Variants in PACSIN2 observed in about 807,000 individuals in gnomAD.
PACSIN2 encodes the protein protein kinase C and casein kinase substrate in neurons protein 2.
Under a neutral mutation model 63.8 loss-of-function variants are expected in PACSIN2, and 25 were observed. The observed-to-expected ratio is 0.39, with a 90% CI of 0.29 to 0.55. The LOEUF (loss-of-function observed/expected upper bound fraction) is 0.55. Ranked by LOEUF, PACSIN2 falls within the 20% of genes least tolerant of loss-of-function variation. The pLI, the probability that PACSIN2 is intolerant of heterozygous loss-of-function variation, is 0.62. For synonymous variants in PACSIN2, 255 were observed against 256.2 expected, an observed-to-expected ratio of 1.00 and a Z score of 0.05; for missense variants, 518 against 646.9, an observed-to-expected ratio of 0.80 and a Z score of 2.16.
At chr22:42,996,528 CCG>C (rs1420167666) in intron 1 of PACSIN2, among the ~76,000 whole-genome samples, 1 of 91,626 alleles carries the variant, frequency 1.1e-5, no homozygotes, top group African/African-American at 5.8e-5. Context: ...CAAGACTCTG[CCG>C]CAAAAAAAAA....
chr22:42,994,555 G>GC (rs1313513696), intron 1 of PACSIN2, among the ~76,000 whole-genome samples: 1 of 152,232 alleles, frequency 6.6e-6, no homozygotes, highest in Non-Finnish European at 1.5e-5. Context: ...CCTACCCTCA[G>GC]CAGGACACGC....
chr22:42,949,462 G>GTGCA (rs1933582475), intron 1 of PACSIN2, among the ~76,000 whole-genome samples: 1 of 151,734 alleles, frequency 6.6e-6, no homozygotes, highest in African/African-American at 2.4e-5. Flanking sequence ...ACACACGCGC[G>GTGCA]CGCACGCACA....
intron 1 of PACSIN2, among the ~76,000 whole-genome samples, chr22:42,971,012 C>A (rs1921218980): frequency 6.6e-6 from 1 of 152,246 alleles, no homozygotes; most frequent in Non-Finnish European, 1.5e-5. Flanking sequence ...CACCACTCAG[C>A]AGTTTCTGAG....
At chr22:43,005,047 C>T (rs1372125836) in intron 1 of PACSIN2, among the ~76,000 whole-genome samples, 1 of 152,340 alleles carries the variant, frequency 6.6e-6, no homozygotes, top group Admixed American at 6.5e-5. Flanking sequence ...AAAGTTATTA[C>T]TTAAACATTA....
Position 42,876,159 on chromosome 22 carries a change from A to G in PACSIN2, c.1326T>C (p.His442=). The G allele has an allele frequency of 6.2e-7, 1 of 1,613,534 alleles. No homozygotes were observed. The highest frequency in any genetic ancestry group is 8.5e-7 in the Non-Finnish European group (1 of 1,179,478). The change falls in exon 10 of 11, where the codon CAT becomes CAC. Residue 442 remains histidine (H), a synonymous_variant. Transcript: ENST00000263246. ...RALYDYEGQE[H]DELSFKAGDE... is the part of the protein sequence containing the mutation. ...TACCAGCCTTGAAGCTCAGCTCATC[A>G]TGCTCCTGCCCCTCATAGTCATACA...
rs1933726100 is a variant in PACSIN2, at chr22:42,952,230, TC to T, written c.-77-40074del. Among the ~76,000 whole-genome samples, 4 of 152,188 alleles carry T rather than the reference TC, an allele frequency of 2.6e-5. No individual in the cohort carries two copies. The South Asian group carries it at 8.3e-4, about 32-fold the overall frequency. The stretch of plus-strand genomic sequence containing the variant: ...AATAAACACAACTAGAATGAATGAG[TC>T]AAGGAATGACAGAGCATAATTCTGT... On this transcript the variant is annotated intron_variant, in intron 1 of 10. Transcript: ENST00000263246.
At chr22:42,927,306 C>T (rs1173109303) in intron 1 of PACSIN2, among the ~76,000 whole-genome samples, 4 of 151,842 alleles carry the variant, frequency 2.6e-5, no homozygotes, top group Non-Finnish European at 5.9e-5. Context: ...AGCACAGTGG[C>T]ACGATCTTAG....
chr22:42,962,710 C>T (rs1055813424), intron 1 of PACSIN2, among the ~76,000 whole-genome samples: 2 of 115,858 alleles, frequency 1.7e-5, no homozygotes, highest in Non-Finnish European at 3.3e-5. Context: ...AGCCTGGATG[C>T]CTGGGGTGGG....
intron 1 of PACSIN2, among the ~76,000 whole-genome samples, chr22:42,991,087 G>A (rs546654163): frequency 5.3e-5 from 8 of 152,264 alleles, no homozygotes; most frequent in African/African-American, 1.7e-4. Context: ...AGGACTAGTA[G>A]TACCAGCAGT....
rs1038373507 is a variant in PACSIN2 at position 42,912,176 on chromosome 22, T to C, written c.-77-19A>G. On this transcript the variant is annotated intron_variant, in intron 1 of 10. Transcript: ENST00000263246. Reference sequence around the variant, plus strand: ...GACAAACCTATAAATGAAAAACATATAACATAGTGGTTTTTAAATTCCCAA... The same window carrying C: ...GACAAACCTATAAATGAAAAACATACAACATAGTGGTTTTTAAATTCCCAA... The C allele has an allele frequency of 1.4e-5, 11 of 800,576 alleles. No homozygotes were observed. Among genetic ancestry groups the C allele is most frequent in the East Asian group, 5.5e-5 (2 of 36,362 alleles). 49.6% of individuals were successfully genotyped at this position (800,576 alleles called of 1,614,324 possible).
intron 1 of PACSIN2, among the ~76,000 whole-genome samples, chr22:42,961,095 G>A (rs1934116334): frequency 6.6e-6 from 1 of 152,206 alleles, no homozygotes; most frequent in African/African-American, 2.4e-5. Flanking sequence ...CATGGCCCAA[G>A]CGGGTGTATG....
intron 1 of PACSIN2, among the ~76,000 whole-genome samples, chr22:42,932,929 G>A (rs923394229): frequency 5.3e-5 from 8 of 152,122 alleles, no homozygotes; most frequent in African/African-American, 1.9e-4. Flanking sequence ...CTTCAAAAAG[G>A]GGTCCTCTCT....
chr22:42,971,938 G>A (rs1324379729), intron 1 of PACSIN2, among the ~76,000 whole-genome samples: 1 of 146,348 alleles, frequency 6.8e-6, no homozygotes, highest in African/African-American at 2.5e-5. Flanking sequence ...GGTGGGGGGT[G>A]CCTCTGCCCG....
intron 4 of PACSIN2, 85 bp downstream of exon 4, chr22:42,890,862 G>T: frequency 1.9e-6 from 2 of 1,052,364 alleles, no homozygotes; most frequent in South Asian, 1.4e-5. Context: ...CCAGTGGCAG[G>T]AAGTCCTAGG....
chr22:42,948,267 C>G (rs1933522563), intron 1 of PACSIN2, among the ~76,000 whole-genome samples: 1 of 152,138 alleles, frequency 6.6e-6, no homozygotes, highest in African/African-American at 2.4e-5. Context: ...GACACCAGCT[C>G]AAGTCACTAG....
chr22:42,983,486 T>C (rs6002993), intron 1 of PACSIN2, among the ~76,000 whole-genome samples: 76,035 of 114,986 alleles, frequency 0.66, 22,522 homozygotes, highest in East Asian at 0.84. Flanking sequence ...TGAGACTCCA[T>C]CTCAAAAAAA....
At chr22:42,891,215 G>T in intron 3 of PACSIN2, 33 bp from the exon 4 acceptor site, 3 of 1,499,994 alleles carry the variant, frequency 2.0e-6, no homozygotes, top group Non-Finnish European at 2.8e-6. Flanking sequence ...GGGTCACTCA[G>T]CGCCGGCCAT....
In PACSIN2 at chr22:42,879,127, T is replaced by C. The variant is rs1183810001; in HGVS notation, c.949A>G (p.Lys317Glu). The C allele has an allele frequency of 1.9e-6, 3 of 1,613,832 alleles. No individual in the cohort carries two copies. Among genetic ancestry groups the C allele is most frequent in the Non-Finnish European group, 2.5e-6 (3 of 1,179,952 alleles). Residue 317 changes from lysine (K) to glutamate (E), a missense_variant, in exon 8 of 11, where the codon AAG becomes GAG. This residue lies in a region of PACSIN2 where 507 missense variants were observed against 612.3 expected (regional missense o/e 0.83). Coordinates refer to ENST00000263246, the MANE Select transcript of PACSIN2 (RefSeq NM_001184970.3). ...GTGACGCCGTCAGTGGCCTTCTTCT[T>C]CTCTCTCCGGCTGAGGGTTCGATTC... is the stretch of plus-strand genomic sequence containing the variant. The part of the protein sequence containing the change: ...DLNRTLSRRE[K>E]KKATDGVTLT...
rs112651007 is a variant in PACSIN2, at chr22:43,006,356, G to A, written c.-78+8665C>T. Among the ~76,000 whole-genome samples, 770 of 152,218 alleles carry A rather than the reference G, an allele frequency of 5.1e-3. 4 individuals carry two copies. The highest frequency in any genetic ancestry group is 0.018 in the African/African-American group (735 of 41,530). ...ACATTGAAACATTTGGCCAAAAGCC[G>A]CACAGTCACCTAGTGATGGAGCTCG... On this transcript the variant is annotated intron_variant, in intron 1 of 10. Coordinates refer to ENST00000263246, the MANE Select transcript of PACSIN2 (RefSeq NM_001184970.3).
Sources: allele counts gnomAD v4.1 joint callset (sites outside exome capture counted in the v4.1 genomes callset), GRCh38; gene constraint gnomAD v4.1.1; regional missense constraint gnomAD v4.1.1; transcripts MANE v1.5; gene names NCBI Gene and HGNC (gene_info 2026-07-23, HGNC 2026-07-21).